The following KCNH7 variants were observed in gnomAD, a reference collection of about 807,000 sequenced individuals.
KCNH7 encodes the protein potassium voltage-gated channel subfamily H member 7.
A neutral mutation model predicts 120.8 loss-of-function variants in KCNH7; 49 were observed. That is an observed-to-expected ratio of 0.41 (90% CI 0.32 to 0.51). The LOEUF (loss-of-function observed/expected upper bound fraction) is 0.51. KCNH7 is among the 20% of genes least tolerant of loss of function. The probability of loss-of-function intolerance (pLI) is 0.38; values close to 1 mark genes in which losing one functional copy is unlikely to be tolerated. For missense variants in KCNH7, 1,097 were observed against 1,446.6 expected, an observed-to-expected ratio of 0.76 and a Z score of 3.92; for synonymous variants, 547 against 516.1, an observed-to-expected ratio of 1.06 and a Z score of -0.81.
chr2:162,604,966 T>G (rs1489093513), intron 2 of KCNH7, among the ~76,000 whole-genome samples: 1 of 152,154 alleles, frequency 6.6e-6, no homozygotes, highest in African/African-American at 2.4e-5. Flanking sequence ...TTTCATCTAC[T>G]TGTATTCAAC....
intron 7 of KCNH7, among the ~76,000 whole-genome samples, chr2:162,442,080 GAT>G (rs1688439603): frequency 3.1e-5 from 4 of 130,162 alleles, no homozygotes; most frequent in Non-Finnish European, 6.2e-5. Flanking sequence ...GCAGTGGTGC[GAT>G]CTCTGCTATC....
chr2:162,568,094 T>C (rs767126738), intron 2 of KCNH7, among the ~76,000 whole-genome samples: 1 of 151,896 alleles, frequency 6.6e-6, no homozygotes, highest in Non-Finnish European at 1.5e-5. Context: ...AGCAAACATG[T>C]CCTTCTTCAC....
chr2:162,562,922 G>A (rs575574748), intron 2 of KCNH7, among the ~76,000 whole-genome samples: 4 of 152,294 alleles, frequency 2.6e-5, no homozygotes, highest in Admixed American at 2.0e-4. Context: ...CAGGAAAGAA[G>A]AATGCTTGCT....
intron 9 of KCNH7, among the ~76,000 whole-genome samples, chr2:162,416,451 C>T (rs1308332833): frequency 1.3e-5 from 2 of 151,936 alleles, no homozygotes; most frequent in South Asian, 2.1e-4. Flanking sequence ...AAATCCCTAT[C>T]TTGGAAAACA....
At chr2:162,513,724 T>TAAC in intron 4 of KCNH7, among the ~76,000 whole-genome samples, 1 of 151,844 alleles carries the variant, frequency 6.6e-6, no homozygotes, top group Middle Eastern at 3.4e-3. Flanking sequence ...CTTCAATATA[T>TAAC]ATTTTAAAAA....
chr2:162,807,831 C>T (rs570468119), intron 2 of KCNH7, among the ~76,000 whole-genome samples: 6 of 152,082 alleles, frequency 3.9e-5, no homozygotes, highest in African/African-American at 9.6e-5. Flanking sequence ...TACAGGCATG[C>T]GCCACCACAC....
intron 2 of KCNH7, among the ~76,000 whole-genome samples, chr2:162,714,656 C>G (rs1223183781): frequency 1.3e-5 from 2 of 152,170 alleles, no homozygotes. Context: ...TTAGGCAATG[C>G]AGTCCACATA....
chr2:162,788,082 C>G (rs1191712854), intron 2 of KCNH7, among the ~76,000 whole-genome samples: 1 of 151,804 alleles, frequency 6.6e-6, no homozygotes, highest in African/African-American at 2.4e-5. Context: ...TGCTTATAAT[C>G]ATGGAATCAT....
intron 2 of KCNH7, among the ~76,000 whole-genome samples, chr2:162,779,098 A>T (rs1424557823): frequency 6.6e-6 from 1 of 151,692 alleles, no homozygotes; most frequent in African/African-American, 2.4e-5. Flanking sequence ...GTTGGCAAAA[A>T]TTATGGCAAA....
intron 14 of KCNH7, among the ~76,000 whole-genome samples, chr2:162,379,432 C>T (rs1686332870): frequency 6.6e-6 from 1 of 152,130 alleles, no homozygotes; most frequent in South Asian, 2.1e-4. Flanking sequence ...GACTGAATAA[C>T]TAAAAGTTTA....
At chr2:162,419,213 C>A (rs1018838543) in intron 9 of KCNH7, among the ~76,000 whole-genome samples, 1 of 146,682 alleles carries the variant, frequency 6.8e-6, no homozygotes, top group African/African-American at 2.6e-5. Flanking sequence ...TCTTCCTAGG[C>A]TCTTATTCCA....
At chr2:162,431,588 C>T (rs575213744) in intron 8 of KCNH7, among the ~76,000 whole-genome samples, 4 of 151,858 alleles carry the variant, frequency 2.6e-5, no homozygotes, top group South Asian at 2.1e-4. Context: ...TAAAGTATTT[C>T]CTGTGTGACA....
At chr2:162,460,093 C>CAAAAAAAAAAAAAAAAAAAAAAAAAAA in intron 6 of KCNH7, among the ~76,000 whole-genome samples, 1 of 47,936 alleles carries the variant, frequency 2.1e-5, no homozygotes, top group Non-Finnish European at 5.6e-5. Flanking sequence ...GACTCCATCT[C>CAAAAAAAAAAAAAAAAAAAAAAAAAAA]AAAAAAAAAA....
intron 2 of KCNH7, among the ~76,000 whole-genome samples, chr2:162,609,791 T>G (rs1433903083): frequency 6.6e-6 from 1 of 152,096 alleles, no homozygotes. Context: ...GACTCCTGAA[T>G]AGTCAACAAT....
At chr2:162,792,822 A>T (rs1369292047) in intron 2 of KCNH7, among the ~76,000 whole-genome samples, 2 of 131,846 alleles carry the variant, frequency 1.5e-5, no homozygotes, top group Non-Finnish European at 3.1e-5. Context: ...AATCTCCTTC[A>T]GTTCAGCTCT....
At chr2:162,649,502 T>C (rs535352911) in intron 2 of KCNH7, among the ~76,000 whole-genome samples, 5 of 152,342 alleles carry the variant, frequency 3.3e-5, no homozygotes, top group African/African-American at 1.2e-4. Context: ...TCCTGATAAG[T>C]CACATTGCCT....
At chr2:162,804,993 C>G (rs1345109354) in intron 2 of KCNH7, among the ~76,000 whole-genome samples, 2 of 151,846 alleles carry the variant, frequency 1.3e-5, no homozygotes, top group African/African-American at 4.8e-5. Flanking sequence ...GAAAGGACAT[C>G]CTATTTAATA....
chr2:162,593,935 T>A (rs1694294222), intron 2 of KCNH7, among the ~76,000 whole-genome samples: 1 of 152,048 alleles, frequency 6.6e-6, no homozygotes. Flanking sequence ...TCTAGTGTTA[T>A]CTTTCCTGTC....
At chr2:162,621,905 T>G (rs1683376321) in intron 2 of KCNH7, among the ~76,000 whole-genome samples, 1 of 152,208 alleles carries the variant, frequency 6.6e-6, no homozygotes, top group African/African-American at 2.4e-5. Context: ...AATATTTCTT[T>G]TATGAGAAAA....
Sources: allele counts gnomAD v4.1 joint callset (sites outside exome capture counted in the v4.1 genomes callset), GRCh38; gene constraint gnomAD v4.1.1; transcripts MANE v1.5; gene names NCBI Gene and HGNC (gene_info 2026-07-23, HGNC 2026-07-21).